RBFOX3: variants seen among roughly 807,000 people sequenced by gnomAD.
RBFOX3 encodes the protein RNA binding protein fox-1 homolog 3.
RBFOX3 carries 17 observed loss-of-function variants against 48.7 expected under a neutral mutation model. The ratio of observed to expected loss-of-function variants is 0.35; its 90% confidence interval spans 0.24 to 0.52. The LOEUF (loss-of-function observed/expected upper bound fraction) is 0.52, where lower values mean the gene tolerates loss of function less well. RBFOX3 is among the 20% of genes least tolerant of loss of function. RBFOX3 has a pLI of 0.94. For synonymous variants in RBFOX3, 212 were observed against 209.5 expected, an observed-to-expected ratio of 1.01 and a Z score of -0.10; for missense variants, 382 against 497.5, an observed-to-expected ratio of 0.77 and a Z score of 2.21.
chr17:79,103,938 G>C lies in RBFOX3; in HGVS notation c.414+135C>G. On this transcript the variant is annotated intron_variant, in intron 7 of 14. Coordinates refer to ENST00000693108, the MANE Select transcript of RBFOX3 (RefSeq NM_001350451.2). This position sits in a 1 kb window ranked among gnomAD's most constrained non-coding sequence, Gnocchi z 6.1. ...GCGGGGCGGGTGGGGGCGGAAGAGC[G>C]GGGAATACAAGCACCCGTGTCGCTC... 2 of 714,704 alleles carry C rather than the reference G, an allele frequency of 2.8e-6. No individual in the cohort carries two copies. The highest frequency in any genetic ancestry group is 5.4e-5 in the East Asian group (2 of 36,932). The allele number at this position is 714,704 out of a possible 1,614,324, so 44.3% of individuals were successfully genotyped here. A position where few individuals can be genotyped will look rare whatever the true frequency, so the allele number is the denominator to read the frequency against.
chr17:79,170,314 C>T (rs558682744), intron 4 of RBFOX3, among the ~76,000 whole-genome samples: 3 of 152,230 alleles, frequency 2.0e-5, no homozygotes, highest in South Asian at 2.1e-4. Context: ...GTACCGGCTC[C>T]GGTCCTGCCA....
At chr17:79,301,269 T>C (rs377631076) in intron 3 of RBFOX3, among the ~76,000 whole-genome samples, 19 of 152,320 alleles carry the variant, frequency 1.2e-4, no homozygotes, top group African/African-American at 4.1e-4. Flanking sequence ...CTTTAACAGG[T>C]CCAGCCCTCT....
chr17:79,416,164 G>A (rs1293797936), intron 2 of RBFOX3, among the ~76,000 whole-genome samples: 6 of 152,210 alleles, frequency 3.9e-5, no homozygotes, highest in East Asian at 1.9e-4. Flanking sequence ...CCACCTGCAC[G>A]GACAGGTCTC....
intron 2 of RBFOX3, among the ~76,000 whole-genome samples, chr17:79,345,250 G>A (rs2082710875): frequency 6.6e-6 from 1 of 152,182 alleles, no homozygotes; most frequent in African/African-American, 2.4e-5. Flanking sequence ...ACATTTACGT[G>A]CATAGAGTTG....
At chr17:79,093,069 C>G (rs2074290650) in intron 14 of RBFOX3, among the ~76,000 whole-genome samples, 1 of 152,224 alleles carries the variant, frequency 6.6e-6, no homozygotes, top group Non-Finnish European at 1.5e-5. Context: ...GCTCAAGAGC[C>G]TGGGGCCACT....
chr17:79,474,530 T>C (rs1327058704), intron 2 of RBFOX3, among the ~76,000 whole-genome samples: 1 of 152,184 alleles, frequency 6.6e-6, no homozygotes, highest in African/African-American at 2.4e-5. Flanking sequence ...CAGAGGAGGA[T>C]GGGCTGTGCA....
At chr17:79,627,879 G>C in the RBFOX3 span, among the ~76,000 whole-genome samples, 2 of 152,136 alleles carry the variant, frequency 1.3e-5, no homozygotes, top group African/African-American at 4.8e-5. Context: ...GAGGGCTTAC[G>C]TTCTCAAGAT....
At chr17:79,239,641 T>C (rs1288748373) in intron 3 of RBFOX3, among the ~76,000 whole-genome samples, 2 of 152,094 alleles carry the variant, frequency 1.3e-5, no homozygotes, top group Non-Finnish European at 2.9e-5. Context: ...GTGGTTGGGG[T>C]GAGTGCCCAA....
Position 79,171,318 on chromosome 17 carries a change from T to A in RBFOX3, c.-33-55570A>T, listed in dbSNP as rs189472981. On this transcript the variant is annotated intron_variant, in intron 4 of 14. Transcript: ENST00000693108. ...AGGAAACGTAACATCACCCGTGGCT[T>A]CACCACGCTGCCATCTGCGGACAGG... Among the ~76,000 whole-genome samples, 705 of 152,356 alleles carry A rather than the reference T, an allele frequency of 4.6e-3. 6 individuals carry two copies. The highest frequency in any genetic ancestry group is 5.9e-3 in the Non-Finnish European group (401 of 68,032).
intron 5 of RBFOX3, among the ~76,000 whole-genome samples, chr17:79,113,434 C>A (rs957545908): frequency 1.3e-5 from 2 of 152,134 alleles, no homozygotes; most frequent in Non-Finnish European, 2.9e-5. Context: ...TGACTCTCTC[C>A]TCTGGGTCCC....
chr17:79,662,418 G>A, the RBFOX3 span, among the ~76,000 whole-genome samples: 20 of 151,852 alleles, frequency 1.3e-4, no homozygotes, highest in Admixed American at 9.2e-4. Flanking sequence ...CACCGCGCCC[G>A]GCTGCTTCCT....
chr17:79,449,437 G>A (rs1886550528), intron 2 of RBFOX3, among the ~76,000 whole-genome samples: 1 of 151,760 alleles, frequency 6.6e-6, no homozygotes, highest in Admixed American at 6.6e-5. Flanking sequence ...AAAATTTCCT[G>A]GGCTCTCCCC....
intron 2 of RBFOX3, among the ~76,000 whole-genome samples, chr17:79,348,389 T>G (rs574349442): frequency 1.9e-4 from 29 of 152,066 alleles, no homozygotes; most frequent in Non-Finnish European, 4.0e-4. Context: ...CATAGCTGTG[T>G]TTGGCCCACC....
rs1432805111 is a variant in RBFOX3, at chr17:79,243,264, C to A, written c.-73-7459G>T. On this transcript the variant is annotated intron_variant, in intron 3 of 14. Coordinates refer to ENST00000693108, the MANE Select transcript of RBFOX3 (RefSeq NM_001350451.2). The surrounding 1 kb of genome is among the most constrained non-coding windows in gnomAD (Gnocchi z 7.9). ...GATTATTCTGCTCAGGCCAAGCACT[C>A]CCGGATAAACCCTGGAGTGTCAGAG... Among the ~76,000 whole-genome samples the A allele has an allele frequency of 2.0e-5, 3 of 152,098 alleles. No individual in the cohort carries two copies. Among genetic ancestry groups the A allele is most frequent in the African/African-American group, 7.2e-5 (3 of 41,420 alleles).
intron 1 of RBFOX3, among the ~76,000 whole-genome samples, chr17:79,547,289 C>T (rs2090572969): frequency 6.6e-6 from 1 of 151,986 alleles, no homozygotes; most frequent in Non-Finnish European, 1.5e-5. Flanking sequence ...TCTACTAAAA[C>T]TACAAAAATT....
rs1196329047 is a variant in RBFOX3, at chr17:79,477,356, A to T, written c.-175+5098T>A. On this transcript the variant is annotated intron_variant, in intron 2 of 14. Transcript: ENST00000693108. The surrounding 1 kb of genome is among the most constrained non-coding windows in gnomAD (Gnocchi z 4.8). Reference sequence around the variant, plus strand: ...TGGATCACGAGGTCAGGAGATCGAGATCATCCTGGCTAACACGGTGAAACC... The same window carrying T: ...TGGATCACGAGGTCAGGAGATCGAGTTCATCCTGGCTAACACGGTGAAACC... 2.0e-5 allele frequency among the ~76,000 whole-genome samples: 3 copies of T among 151,162 alleles called. No individual in the cohort carries two copies. The highest frequency in any genetic ancestry group is 2.1e-4 in the South Asian group (1 of 4,770).
At chr17:79,186,692 A>G (rs2053481941) in intron 4 of RBFOX3, among the ~76,000 whole-genome samples, 1 of 152,070 alleles carries the variant, frequency 6.6e-6, no homozygotes, top group Admixed American at 6.6e-5. Context: ...AAAAAGAGGC[A>G]AGAAAAAATA....
chr17:79,180,754 TCTAGACCTTTC>T (rs1257879457), intron 4 of RBFOX3, among the ~76,000 whole-genome samples: 7 of 151,694 alleles, frequency 4.6e-5, no homozygotes. Flanking sequence ...ATGGCTGCAT[TCTAGACCTTTC>T]CGGAGTCCAC....
intron 2 of RBFOX3, among the ~76,000 whole-genome samples, chr17:79,316,776 T>G (rs1056319235): frequency 6.6e-6 from 1 of 152,236 alleles, no homozygotes; most frequent in Non-Finnish European, 1.5e-5. Context: ...CAGATAATGT[T>G]TTCATTGTTT....
Sources: allele counts gnomAD v4.1 joint callset (sites outside exome capture counted in the v4.1 genomes callset), GRCh38; gene constraint gnomAD v4.1.1; non-coding constraint Gnocchi (gnomAD v3.1); transcripts MANE v1.5; gene names NCBI Gene and HGNC (gene_info 2026-07-23, HGNC 2026-07-21).